LOC400499: variants seen among roughly 807,000 people sequenced by gnomAD.
chr16:11,407,853 A>G, the LOC400499 span, among the ~76,000 whole-genome samples: 7 of 152,180 alleles, frequency 4.6e-5, no homozygotes, highest in Non-Finnish European at 8.8e-5. Context: ...ATAATGTGCT[A>G]ACTTCCAGGT....
At chr16:11,467,812 T>G in the LOC400499 span, among the ~76,000 whole-genome samples, 1 of 152,146 alleles carries the variant, frequency 6.6e-6, no homozygotes, top group Non-Finnish European at 1.5e-5. Context: ...CCCTGAAAGA[T>G]GCCGAAACCC....
the LOC400499 span, chr16:11,384,374 CCCCCAG>C: frequency 1.9e-6 from 2 of 1,064,506 alleles, no homozygotes; most frequent in African/African-American, 1.6e-5. Flanking sequence ...CTGTGATCCT[CCCCCAG>C]CCCCAGCCCT....
At chr16:11,500,823 G>A in the LOC400499 span, 64 of 399,062 alleles carry the variant, frequency 1.6e-4, no homozygotes, top group South Asian at 2.8e-3. Flanking sequence ...GTGGACCATA[G>A]CATCTGTGGG....
chr16:11,449,333 G>T, the LOC400499 span, among the ~76,000 whole-genome samples: 1 of 152,188 alleles, frequency 6.6e-6, no homozygotes, highest in Non-Finnish European at 1.5e-5. Flanking sequence ...ACCCTGAGCA[G>T]AAATAATTTC....
the LOC400499 span, among the ~76,000 whole-genome samples, chr16:11,502,457 G>C: frequency 2.6e-5 from 4 of 152,164 alleles, no homozygotes; most frequent in African/African-American, 9.7e-5. Context: ...TTGCACTCAG[G>C]ATATGGCAGT....
the LOC400499 span, among the ~76,000 whole-genome samples, chr16:11,451,278 T>C: frequency 1.3e-5 from 2 of 152,186 alleles, no homozygotes; most frequent in Non-Finnish European, 2.9e-5. Context: ...ATGCAATTTT[T>C]TCATAATAAA....
chr16:11,487,748 T>C, the LOC400499 span, among the ~76,000 whole-genome samples: 1 of 103,986 alleles, frequency 9.6e-6, no homozygotes, highest in South Asian at 2.8e-4. Context: ...CTAATCTCTT[T>C]TCTTAACACA....
At chr16:11,457,452 G>A in the LOC400499 span, among the ~76,000 whole-genome samples, 78 of 151,970 alleles carry the variant, frequency 5.1e-4, 2 homozygotes, top group Non-Finnish European at 5.4e-4. Context: ...AATTAGCCGG[G>A]CATGGTGGTG....
the LOC400499 span, among the ~76,000 whole-genome samples, chr16:11,527,528 G>T: frequency 6.6e-6 from 1 of 152,126 alleles, no homozygotes; most frequent in Non-Finnish European, 1.5e-5. Flanking sequence ...CTTTTTAATT[G>T]CAGTATAATT....
the LOC400499 span, among the ~76,000 whole-genome samples, chr16:11,381,614 C>CG: frequency 6.6e-6 from 1 of 152,186 alleles, no homozygotes; most frequent in African/African-American, 2.4e-5. Flanking sequence ...AAATGAACGT[C>CG]GGTGGATCCC....
chr16:11,380,433 C>T, the LOC400499 span, among the ~76,000 whole-genome samples: 3 of 152,012 alleles, frequency 2.0e-5, no homozygotes, highest in Middle Eastern at 3.4e-3. Flanking sequence ...TACAAAAATT[C>T]GCCGGGGGTG....
chr16:11,504,443 C>G, the LOC400499 span, among the ~76,000 whole-genome samples: 11 of 151,942 alleles, frequency 7.2e-5, no homozygotes, highest in African/African-American at 2.7e-4. Context: ...GCAATCCCAG[C>G]TATTCAGGAG....
chr16:11,387,068 G>A, the LOC400499 span: 1 of 1,223,550 alleles, frequency 8.2e-7, no homozygotes, highest in Non-Finnish European at 1.0e-6. Flanking sequence ...GGAGGCAGGG[G>A]GCTCTCAGGG....
At chr16:11,410,786 G>C in the LOC400499 span, among the ~76,000 whole-genome samples, 1 of 152,246 alleles carries the variant, frequency 6.6e-6, no homozygotes, top group Non-Finnish European at 1.5e-5. Flanking sequence ...TCCGGATCTG[G>C]GCACAGACAA....
chr16:11,471,886 C>T, the LOC400499 span: 8 of 398,870 alleles, frequency 2.0e-5, no homozygotes, highest in Middle Eastern at 6.2e-4. Flanking sequence ...TGGGTGCCCG[C>T]AGCTGCCACA....
chr16:11,403,460 CACAT>C, the LOC400499 span, among the ~76,000 whole-genome samples: 4 of 145,972 alleles, frequency 2.7e-5, no homozygotes, highest in Admixed American at 6.7e-5. Flanking sequence ...CACACATGCA[CACAT>C]ACACACATGA....
chr16:11,416,931 A>G, the LOC400499 span, among the ~76,000 whole-genome samples: 1 of 152,038 alleles, frequency 6.6e-6, no homozygotes, highest in African/African-American at 2.4e-5. Flanking sequence ...AGGCCCCTCT[A>G]AGAGCTTTGA....
chr16:11,523,309 C>T, the LOC400499 span: 1 of 398,188 alleles, frequency 2.5e-6, no homozygotes, highest in Non-Finnish European at 4.4e-6. Flanking sequence ...TCAGGGCCCT[C>T]TGGGGCTGTC....
chr16:11,496,307 T>C, the LOC400499 span, among the ~76,000 whole-genome samples: 1 of 152,158 alleles, frequency 6.6e-6, no homozygotes, highest in East Asian at 1.9e-4. Context: ...CCTCAGGTGA[T>C]CTGCCCACCT....
Sources: gnomAD v4.1 joint callset for allele counts (sites outside exome capture counted in the v4.1 genomes callset) on GRCh38, gnomAD v4.1.1 for gene constraint, MANE v1.5 for transcripts.